The following FHOD3 variants were observed in gnomAD, a reference collection of about 807,000 sequenced individuals.
The protein encoded by FHOD3 is FH1/FH2 domain-containing protein 3.
A neutral mutation model predicts 173.0 loss-of-function variants in FHOD3; 90 were observed. The ratio of observed to expected loss-of-function variants is 0.52; its 90% CI spans 0.44 to 0.62. The LOEUF is 0.62. Ranked by LOEUF, FHOD3 falls within the 20% of genes least tolerant of loss-of-function variation. The pLI is 0.00. For missense variants in FHOD3, 1,945 were observed against 2,034.7 expected (o/e 0.96, Z 0.85); for synonymous variants, 828 against 823.0 (o/e 1.01, Z -0.10).
intron 16 of FHOD3, among the ~76,000 whole-genome samples, chr18:36,692,078 G>T (rs2149490803): frequency 6.6e-6 from 1 of 152,372 alleles, no homozygotes; most frequent in Non-Finnish European, 1.5e-5. Flanking sequence ...GCATGCAAGT[G>T]TGGTCCGAAG....
chr18:36,558,916 G>T lies in FHOD3; in HGVS notation c.512-17535G>T, dbSNP rs184967579. 2.0e-5 allele frequency among the ~76,000 whole-genome samples: 3 copies of T among 152,102 alleles called. No individual in the cohort carries two copies. In the East Asian group the frequency reaches 5.8e-4, roughly 29 times the overall value. Reference sequence around the variant, plus strand: ...TCACTGCTGAGTTGCAGTGCTTCCCGCCTGCACTCATACCCACATTCAGAC... The same window carrying T: ...TCACTGCTGAGTTGCAGTGCTTCCCTCCTGCACTCATACCCACATTCAGAC... On this transcript the variant is annotated intron_variant, in intron 5 of 28. Coordinates refer to ENST00000590592, the MANE Select transcript of FHOD3 (RefSeq NM_001281740.3).
rs191175254 is a variant in FHOD3, at chr18:36,347,286, A to T, written c.166-8253A>T. ...AGTTTAATGTATTTTTGGCTATTTAATGATAACAAAATATTTTAAAATAAT... is the reference window on the plus strand; with the variant it reads ...AGTTTAATGTATTTTTGGCTATTTATTGATAACAAAATATTTTAAAATAAT... On this transcript the variant is annotated intron_variant, in intron 1 of 28. Transcript: ENST00000590592. 1.4e-3 allele frequency among the ~76,000 whole-genome samples: 216 copies of T among 152,372 alleles called. 2 individuals carry two copies. Among genetic ancestry groups the T allele is most frequent in the Non-Finnish European group, 2.3e-3 (158 of 68,036 alleles).
intron 17 of FHOD3, among the ~76,000 whole-genome samples, chr18:36,699,110 A>G (rs1240394419): frequency 6.6e-6 from 1 of 152,232 alleles, no homozygotes; most frequent in African/African-American, 2.4e-5. Flanking sequence ...GATAGTGCAG[A>G]AAAGACTATC....
intron 1 of FHOD3, among the ~76,000 whole-genome samples, chr18:36,350,126 C>A (rs886147846): frequency 3.2e-4 from 48 of 152,182 alleles, no homozygotes; most frequent in African/African-American, 1.1e-3. Flanking sequence ...GTCAAAAGAA[C>A]CCCAGAGTGA....
At chr18:36,442,826 T>G (rs1388869877) in intron 3 of FHOD3, among the ~76,000 whole-genome samples, 1 of 152,200 alleles carries the variant, frequency 6.6e-6, no homozygotes, top group African/African-American at 2.4e-5. Flanking sequence ...CAAGGTCCAG[T>G]TCAGTATCCA....
At chr18:36,535,350 G>A (rs1414744359) in intron 5 of FHOD3, among the ~76,000 whole-genome samples, 2 of 152,136 alleles carry the variant, frequency 1.3e-5, no homozygotes, top group South Asian at 2.1e-4. Context: ...GTATCCCAAG[G>A]GCTGGGCAAA....
At chr18:36,491,371 T>A (rs2054463527) in intron 3 of FHOD3, among the ~76,000 whole-genome samples, 1 of 152,232 alleles carries the variant, frequency 6.6e-6, no homozygotes, top group Non-Finnish European at 1.5e-5. Flanking sequence ...TGCATGAATG[T>A]GATACATTTG....
chr18:36,298,684 C>G (rs894199611), intron 1 of FHOD3, among the ~76,000 whole-genome samples: 3 of 151,696 alleles, frequency 2.0e-5, no homozygotes, highest in Non-Finnish European at 4.4e-5. Context: ...GCGGCGCGCT[C>G]ACAAAGCCTC....
At chr18:36,585,285 A>G (rs1337737289) in intron 6 of FHOD3, among the ~76,000 whole-genome samples, 1 of 152,164 alleles carries the variant, frequency 6.6e-6, no homozygotes, top group East Asian at 1.9e-4. Context: ...TTTTAATGGC[A>G]TAGTCATGTA....
chr18:36,308,811 G>GCAA lies in FHOD3; in HGVS notation c.165+10814_165+10816dup, dbSNP rs536461558. 5.3e-4 allele frequency among the ~76,000 whole-genome samples: 81 copies of GCAA among 152,262 alleles called. 1 individual carries two copies. The highest frequency in any genetic ancestry group is 1.7e-3 in the African/African-American group (71 of 41,548). On this transcript the variant is annotated intron_variant, in intron 1 of 28. Transcript: ENST00000590592. ...TGCAAGAATGTTAAATGGAAAAAGT[G>GCAA]CAACATATGTTAATATACATGATGA...
chr18:36,649,200 T>G, intron 10 of FHOD3, 116 bp from the exon 11 acceptor site: 1 of 642,328 alleles, frequency 1.6e-6, no homozygotes, highest in Non-Finnish European at 2.5e-6. Flanking sequence ...TTAATTATTA[T>G]TATTTCGTTG....
intron 18 of FHOD3, chr18:36,710,529 G>A (rs907780993): frequency 1.8e-4 from 27 of 152,150 alleles, no homozygotes; most frequent in African/African-American, 4.8e-4. Context: ...AGTCAATGGC[G>A]TAGTCTAAAA....
At chr18:36,779,378 C>G in intron 28 of FHOD3, 70 bp from the exon 29 acceptor site, 1 of 1,434,652 alleles carries the variant, frequency 7.0e-7, no homozygotes, top group Non-Finnish European at 9.8e-7. Flanking sequence ...GTCTTGACTG[C>G]CCTGTGCCTT....
At chr18:36,362,790 A>G (rs540417228) in intron 2 of FHOD3, among the ~76,000 whole-genome samples, 1 of 152,358 alleles carries the variant, frequency 6.6e-6, no homozygotes, top group South Asian at 2.1e-4. Context: ...AAGAACCCAG[A>G]TAACAGTGGC....
At chr18:36,590,282 G>T (rs1449680454) in intron 6 of FHOD3, among the ~76,000 whole-genome samples, 1 of 152,142 alleles carries the variant, frequency 6.6e-6, no homozygotes, top group Non-Finnish European at 1.5e-5. Flanking sequence ...AGGGTGTGTG[G>T]CCTCCACTGT....
intron 3 of FHOD3, among the ~76,000 whole-genome samples, chr18:36,464,846 C>T (rs188053973): frequency 1.3e-5 from 2 of 152,068 alleles, no homozygotes; most frequent in East Asian, 1.9e-4. Flanking sequence ...GTCTCTCCCC[C>T]CTCTTTCTTC....
chr18:36,725,911 T>C (rs1361207825), intron 19 of FHOD3, among the ~76,000 whole-genome samples: 1 of 152,156 alleles, frequency 6.6e-6, no homozygotes, highest in Non-Finnish European at 1.5e-5. Flanking sequence ...CCAACTATTC[T>C]AGGGCCAGTG....
chr18:36,404,109 G>A (rs1414403153), intron 3 of FHOD3, among the ~76,000 whole-genome samples: 4 of 152,222 alleles, frequency 2.6e-5, no homozygotes, highest in Non-Finnish European at 4.4e-5. Context: ...TGCTCCCTGA[G>A]GGTTTGGGCA....
At chr18:36,346,588 C>T (rs1009691995) in intron 1 of FHOD3, among the ~76,000 whole-genome samples, 3 of 152,164 alleles carry the variant, frequency 2.0e-5, no homozygotes, top group African/African-American at 7.2e-5. Context: ...TTCCTTTCTC[C>T]CTTTTATGCC....
Sources: gnomAD v4.1 joint callset for allele counts (sites outside exome capture counted in the v4.1 genomes callset) on GRCh38, gnomAD v4.1.1 for gene constraint, MANE v1.5 for transcripts, NCBI Gene and HGNC (gene_info 2026-07-23, HGNC 2026-07-21) for gene names.